MTNR1B: variants seen among roughly 807,000 people sequenced by gnomAD.
MTNR1B encodes melatonin receptor type 1B.
In MTNR1B, 7 loss-of-function variants were observed where a neutral mutation model predicts 7.0. The observed-to-expected ratio is 1.00, with a 90% CI of 0.57 to 1.88. The LOEUF (loss-of-function observed/expected upper bound fraction) is 1.88. MTNR1B is among the 40% of genes most tolerant of loss of function. The pLI is 0.00. For synonymous variants in MTNR1B, 226 were observed against 208.2 expected (o/e 1.09, Z -0.74); for missense variants, 478 against 486.5 (o/e 0.98, Z 0.16).
At chr11:92,975,409 A>G (rs1035620073) in intron 1 of MTNR1B, among the ~76,000 whole-genome samples, 2 of 152,202 alleles carry the variant, frequency 1.3e-5, no homozygotes, top group African/African-American at 4.8e-5. Flanking sequence ...GAACTATTTG[A>G]TGTTAAGATT....
Position 92,982,284 on chromosome 11 carries a change from G to A in MTNR1B, c.1061G>A (p.Gly354Asp), listed in dbSNP as rs916014601. Residue 354 changes from glycine to aspartate, a missense_variant, in exon 2 of 2, where the codon GGT becomes GAT. Transcript: ENST00000257068. ...CAGAGCCCAGCTCCACCCATCATTG[G>A]TGTGCAGCACCAGGCAGATGCTCTC... ...GLQSPAPPIIGVQHQADAL is the reference protein window; with the variant it reads ...GLQSPAPPIIDVQHQADAL 6.2e-7 allele frequency: 1 copy of A among 1,613,846 alleles called. No homozygotes were observed. The highest frequency in any genetic ancestry group is 1.7e-5 in the Admixed American group (1 of 59,934).
At chr11:92,973,315 T>A (rs1274641845) in intron 1 of MTNR1B, among the ~76,000 whole-genome samples, 2 of 152,080 alleles carry the variant, frequency 1.3e-5, no homozygotes, top group Non-Finnish European at 2.9e-5. Flanking sequence ...GCAAACACTA[T>A]CCATAGTGCT....
chr11:92,975,132 G>T (rs1857992912), intron 1 of MTNR1B, among the ~76,000 whole-genome samples: 2 of 152,182 alleles, frequency 1.3e-5, no homozygotes, highest in Admixed American at 6.5e-5. Flanking sequence ...CCTGTAATAT[G>T]CTGGCCATAT....
At chr11:92,977,789 T>C (rs536563633) in intron 1 of MTNR1B, among the ~76,000 whole-genome samples, 1 of 152,348 alleles carries the variant, frequency 6.6e-6, no homozygotes, top group South Asian at 2.1e-4. Context: ...TTGAATGTGG[T>C]AGGCACTCAA....
rs1228892019 is a variant in MTNR1B, at chr11:92,982,244, C to A, written c.1021C>A (p.His341Asn). The A allele has an allele frequency of 6.2e-7, 1 of 1,614,100 alleles. No individual in the cohort carries two copies. The highest frequency in any genetic ancestry group is 1.1e-5 in the South Asian group (1 of 91,076). The change falls in exon 2 of 2, where the codon CAC (histidine) becomes AAC (asparagine). Residue 341 changes from histidine to asparagine, a missense_variant. By Grantham distance (68) the His-to-Asn change is moderately conservative (BLOSUM62 1). Coordinates refer to ENST00000257068, the MANE Select transcript of MTNR1B (RefSeq NM_005959.5). ...HCIQDASKGS[H>N]AEGLQSPAPP... ...CATTCAAGATGCTTCCAAGGGCAGC[C>A]ACGCGGAGGGGCTGCAGAGCCCAGC... is the stretch of plus-strand genomic sequence containing the variant.
At chr11:92,977,442 A>G (rs973032366) in intron 1 of MTNR1B, among the ~76,000 whole-genome samples, 1 of 152,278 alleles carries the variant, frequency 6.6e-6, no homozygotes, top group Non-Finnish European at 1.5e-5. Flanking sequence ...AATATCTCAC[A>G]TTAATTTGGT....
At chr11:92,984,216 T>C (rs1858162957), downstream of MTNR1B, among the ~76,000 whole-genome samples, 1 of 152,194 alleles carries the variant, frequency 6.6e-6, no homozygotes, top group African/African-American at 2.4e-5. Context: ...GTGAGGAATC[T>C]AGGCTGGGTG....
intron 1 of MTNR1B, among the ~76,000 whole-genome samples, chr11:92,981,087 G>A (rs185885358): frequency 6.6e-6 from 1 of 152,318 alleles, no homozygotes; most frequent in East Asian, 1.9e-4. Flanking sequence ...CTTTGCTGGA[G>A]CTTAAATGGT....
chr11:92,971,924 G>A (rs1399737402), intron 1 of MTNR1B, among the ~76,000 whole-genome samples: 4 of 151,372 alleles, frequency 2.6e-5, no homozygotes, highest in Admixed American at 2.0e-4. Context: ...CCCAGCACCC[G>A]AACAAAAAAA....
intron 1 of MTNR1B, among the ~76,000 whole-genome samples, chr11:92,980,101 C>A (rs780009428): frequency 6.6e-6 from 1 of 152,218 alleles, no homozygotes; most frequent in Non-Finnish European, 1.5e-5. Flanking sequence ...GCCACCACAG[C>A]CTCTGTGGCA....
intron 1 of MTNR1B, among the ~76,000 whole-genome samples, chr11:92,972,987 T>G (rs1331635836): frequency 1.3e-5 from 2 of 152,160 alleles, no homozygotes. Flanking sequence ...GGACATCTAC[T>G]GGTTCTACCC....
At chr11:92,979,189 T>C (rs1858058690) in intron 1 of MTNR1B, among the ~76,000 whole-genome samples, 1 of 152,218 alleles carries the variant, frequency 6.6e-6, no homozygotes, top group Non-Finnish European at 1.5e-5. Flanking sequence ...CCCAGATTTC[T>C]CTGACTTCAG....
At chr11:92,977,489 A>G (rs1273074115) in intron 1 of MTNR1B, among the ~76,000 whole-genome samples, 3 of 152,200 alleles carry the variant, frequency 2.0e-5, no homozygotes, top group Non-Finnish European at 2.9e-5. Flanking sequence ...CCCATACAAC[A>G]TCTTATTTGA....
intron 1 of MTNR1B, among the ~76,000 whole-genome samples, chr11:92,978,754 A>C (rs1315897020): frequency 6.6e-6 from 1 of 152,224 alleles, no homozygotes; most frequent in East Asian, 1.9e-4. Context: ...ATAGTAATTG[A>C]ATCACTTTCC....
chr11:92,969,918 G>A lies in MTNR1B; in HGVS notation c.193G>A (p.Val65Met), dbSNP rs758044308. The stretch of plus-strand genomic sequence containing the variant: ...GGGCAACCTCCTGGTGATCCTCTCC[G>A]TGCTCAGGAACCGCAAGCTCCGGAA... Reference protein sequence around the residue: ...VVGNLLVILSVLRNRKLRNAG... With the variant: ...VVGNLLVILSMLRNRKLRNAG... The change falls in exon 1 of 2, where the codon GTG becomes ATG. Residue 65 changes from valine (V) to methionine (M), a missense_variant. Coordinates refer to ENST00000257068, the MANE Select transcript of MTNR1B (RefSeq NM_005959.5). 3 of 1,611,806 alleles carry A rather than the reference G, an allele frequency of 1.9e-6. No homozygotes were observed. Among genetic ancestry groups the A allele is most frequent in the Non-Finnish European group, 2.5e-6 (3 of 1,179,464 alleles).
At chr11:92,984,797 G>T (rs1858173258), downstream of MTNR1B, 1 of 429,228 alleles carries the variant, frequency 2.3e-6, no homozygotes, top group South Asian at 1.7e-5. Flanking sequence ...ATTTTTTCTT[G>T]GATCCATAGG....
chr11:92,981,393 C>T (rs1858099247), intron 1 of MTNR1B, 54 bp from the exon 2 acceptor site: 1 of 1,561,662 alleles, frequency 6.4e-7, no homozygotes, highest in African/African-American at 1.4e-5. Context: ...GGATGTTCTA[C>T]AGAATCTAAG....
At position 92,981,953 on chromosome 11, in the gene MTNR1B, C is replaced by A. The variant is rs1340759399; in HGVS notation, c.730C>A (p.Pro244Thr). Residue 244 changes from proline to threonine, a missense_variant, in exon 2 of 2, where the codon CCC becomes ACC. Physicochemically the swap from Pro to Thr is conservative, Grantham distance 38 (BLOSUM62 -1). Transcript: ENST00000257068. ...GCCAGAGAGCAGGCTGTGCCTGAAG[C>A]CCAGCGACTTGCGGAGCTTTCTAAC... ...AKPESRLCLK[P>T]SDLRSFLTMF... is the part of the protein sequence containing the mutation. The A allele has an allele frequency of 3.7e-6, 6 of 1,614,254 alleles. No homozygotes were observed. In the South Asian group the frequency reaches 6.6e-5, roughly 18 times the overall value.
In MTNR1B at chr11:92,981,816, C is replaced by A. The variant is rs371123895; in HGVS notation, c.593C>A (p.Thr198Asn). ...YSCTFIQTASTQYTAAVVVIH... is the reference protein window; with the variant it reads ...YSCTFIQTASNQYTAAVVVIH... ...TGCACCTTCATCCAGACCGCCAGCACCCAGTACACGGCGGCAGTGGTGGTC... is the reference window on the plus strand; with the variant it reads ...TGCACCTTCATCCAGACCGCCAGCAACCAGTACACGGCGGCAGTGGTGGTC... Residue 198 changes from threonine (T) to asparagine (N), a missense_variant, in exon 2 of 2, where the codon ACC (threonine) becomes AAC (asparagine). Coordinates refer to ENST00000257068, the MANE Select transcript of MTNR1B (RefSeq NM_005959.5). The A allele has an allele frequency of 2.3e-4, 368 of 1,614,216 alleles. 6 individuals carry two copies. In the South Asian group the frequency reaches 3.9e-3, roughly 17 times the overall value.
Sources: gnomAD v4.1 joint callset for allele counts (sites outside exome capture counted in the v4.1 genomes callset) on GRCh38, gnomAD v4.1.1 for gene constraint, MANE v1.5 for transcripts, NCBI Gene and HGNC (gene_info 2026-07-23, HGNC 2026-07-21) for gene names.